Variants in CMPK1 observed in about 807,000 individuals in gnomAD.
The protein encoded by CMPK1 is cytidine/uridine monophosphate kinase 1.
CMPK1 carries 10 observed loss-of-function variants against 25.7 expected under a neutral mutation model. That is an observed-to-expected ratio of 0.39 (90% CI 0.24 to 0.66). The LOEUF is 0.66. Among genes scored for constraint, CMPK1 ranks in the 30% least tolerant of loss-of-function variants. CMPK1 has a pLI of 0.48. For missense variants in CMPK1, 199 were observed against 280.5 expected (o/e 0.71, Z 2.08); for synonymous variants, 106 against 101.5 (o/e 1.04, Z -0.27).
At position 47,350,746 on chromosome 1, in the gene CMPK1, G is replaced by A. The variant is rs182648016; in HGVS notation, c.171+16630G>A. ...CGTCTCTACTAAAAATGCAAAAAAA[G>A]AAAAGAAAAAATTAGCCAGGCGTGG... On this transcript the variant is annotated intron_variant, in intron 1 of 5. Transcript: ENST00000371873. 5.2e-3 allele frequency among the ~76,000 whole-genome samples: 783 copies of A among 151,770 alleles called. 2 individuals are homozygous for A. The highest frequency in any genetic ancestry group is 0.03 in the East Asian group (150 of 5,080).
intron 1 of CMPK1, among the ~76,000 whole-genome samples, chr1:47,345,020 G>T (rs1322206801): frequency 1.3e-5 from 2 of 151,020 alleles, no homozygotes; most frequent in Non-Finnish European, 2.9e-5. Flanking sequence ...GGGTTCACGC[G>T]ATTCTCCTGC....
chr1:47,350,637 G>A (rs907679861), intron 1 of CMPK1, among the ~76,000 whole-genome samples: 2 of 152,192 alleles, frequency 1.3e-5, no homozygotes, highest in African/African-American at 2.4e-5. Flanking sequence ...GCTTATGCCC[G>A]TAATCCCAGC....
chr1:47,362,131 A>T (rs1451387458), intron 1 of CMPK1, among the ~76,000 whole-genome samples: 1 of 130,892 alleles, frequency 7.6e-6, no homozygotes, highest in East Asian at 2.3e-4. Flanking sequence ...TGGCCTCCCA[A>T]ATTGTTGGGA....
intron 1 of CMPK1, among the ~76,000 whole-genome samples, chr1:47,336,185 T>C (rs1646397851): frequency 6.6e-6 from 1 of 150,526 alleles, no homozygotes; most frequent in South Asian, 2.1e-4. Context: ...GTGGGAGTGA[T>C]TTCAAATTTT....
At chr1:47,354,081 T>C (rs933176367) in intron 1 of CMPK1, among the ~76,000 whole-genome samples, 2 of 152,034 alleles carry the variant, frequency 1.3e-5, no homozygotes, top group Admixed American at 6.6e-5. Context: ...ACCCAGCACT[T>C]TGGGAGGCTA....
At chr1:47,360,661 T>A (rs1487777380) in intron 1 of CMPK1, among the ~76,000 whole-genome samples, 2 of 152,260 alleles carry the variant, frequency 1.3e-5, no homozygotes, top group African/African-American at 4.8e-5. Context: ...TGCAAGTCAC[T>A]ATTGCATCCT....
At chr1:47,338,815 T>G (rs1303044462) in intron 1 of CMPK1, among the ~76,000 whole-genome samples, 1 of 152,056 alleles carries the variant, frequency 6.6e-6, no homozygotes, top group Non-Finnish European at 1.5e-5. Flanking sequence ...GAATACTGTG[T>G]CATTCTTGAA....
intron 1 of CMPK1, among the ~76,000 whole-genome samples, chr1:47,344,470 T>C (rs1035716251): frequency 1.3e-5 from 2 of 152,158 alleles, no homozygotes; most frequent in African/African-American, 4.8e-5. Context: ...TTTGCAGGTA[T>C]TAAAGTTCAA....
chr1:47,370,636 G>A (rs1646671709), intron 2 of CMPK1, among the ~76,000 whole-genome samples: 1 of 126,068 alleles, frequency 7.9e-6, no homozygotes, highest in South Asian at 2.6e-4. Context: ...GTGAAACTCT[G>A]TTTCTTAAAA....
chr1:47,352,094 G>A (rs868740852), intron 1 of CMPK1, among the ~76,000 whole-genome samples: 7 of 152,062 alleles, frequency 4.6e-5, no homozygotes, highest in South Asian at 2.1e-4. Context: ...CTGAGATTGC[G>A]CCACTGCACT....
At chr1:47,359,098 CA>C (rs1646583246) in intron 1 of CMPK1, among the ~76,000 whole-genome samples, 1 of 152,048 alleles carries the variant, frequency 6.6e-6, no homozygotes, top group Admixed American at 6.5e-5. Flanking sequence ...GTGGGCGGAT[CA>C]CGAGGTCAGG....
chr1:47,365,905 A>T (rs572869830), intron 1 of CMPK1, among the ~76,000 whole-genome samples: 1 of 152,026 alleles, frequency 6.6e-6, no homozygotes, highest in Non-Finnish European at 1.5e-5. Flanking sequence ...GAAAATTACT[A>T]TCTTTAGGTC....
At chr1:47,373,223 G>C (rs1646688199) in intron 3 of CMPK1, 116 bp downstream of exon 3, 3 of 956,364 alleles carry the variant, frequency 3.1e-6, no homozygotes, top group Non-Finnish European at 4.5e-6. Flanking sequence ...TTTTTGAATT[G>C]GTAGATTGGA....
intron 1 of CMPK1, among the ~76,000 whole-genome samples, chr1:47,359,893 C>T (rs1413566773): frequency 6.6e-6 from 1 of 152,146 alleles, no homozygotes; most frequent in Non-Finnish European, 1.5e-5. Flanking sequence ...ATCCATGTTA[C>T]CTTTGCTGTG....
intron 1 of CMPK1, among the ~76,000 whole-genome samples, chr1:47,367,136 G>T (rs1432882201): frequency 6.6e-6 from 1 of 152,144 alleles, no homozygotes; most frequent in African/African-American, 2.4e-5. Context: ...CTCCCAAAGT[G>T]CTAGGATTAC....
intron 1 of CMPK1, chr1:47,358,531 A>G (rs1417582620): frequency 1.9e-5 from 19 of 1,006,876 alleles, no homozygotes; most frequent in Non-Finnish European, 1.9e-5. Context: ...GGTAGCATAC[A>G]TATTATTTCT....
At chr1:47,338,286 A>G (rs1395463031) in intron 1 of CMPK1, among the ~76,000 whole-genome samples, 4 of 152,284 alleles carry the variant, frequency 2.6e-5, no homozygotes, top group Admixed American at 2.0e-4. Flanking sequence ...AAATTAGTGA[A>G]GTGGGTATTG....
At chr1:47,341,701 T>A (rs552107264) in intron 1 of CMPK1, among the ~76,000 whole-genome samples, 6 of 151,780 alleles carry the variant, frequency 4.0e-5, no homozygotes, top group African/African-American at 1.2e-4. Context: ...TGCAATGGTG[T>A]GATCTCGGCT....
chr1:47,338,597 T>C (rs6657172), intron 1 of CMPK1, among the ~76,000 whole-genome samples: 55,660 of 109,794 alleles, frequency 0.51, 15,228 homozygotes, highest in African/African-American at 0.78. Context: ...CCCTCCTTCC[T>C]GTTCTTTCTT....
Sources: gnomAD v4.1 joint callset for allele counts (sites outside exome capture counted in the v4.1 genomes callset) on GRCh38, gnomAD v4.1.1 for gene constraint, MANE v1.5 for transcripts, NCBI Gene and HGNC (gene_info 2026-07-23, HGNC 2026-07-21) for gene names.